The following EHMT1 variants were observed in gnomAD, a reference collection of about 807,000 sequenced individuals.
EHMT1 encodes euchromatic histone lysine methyltransferase 1.
Under a neutral mutation model 147.2 loss-of-function variants are expected in EHMT1, and 15 were observed. The ratio of observed to expected loss-of-function variants is 0.10; its 90% CI spans 0.07 to 0.16. The LOEUF (loss-of-function observed/expected upper bound fraction) is 0.16. EHMT1 is among the 10% of genes least tolerant of loss of function. The pLI is 1.00. For missense variants in EHMT1, 1,587 were observed against 1,772.4 expected (o/e 0.90, Z 1.88); for synonymous variants, 795 against 709.6 (o/e 1.12, Z -1.91).
intron 1 of EHMT1, among the ~76,000 whole-genome samples, chr9:137,704,815 CCTT>C (rs921332131): frequency 1.7e-4 from 24 of 142,268 alleles, no homozygotes; most frequent in African/African-American, 6.3e-4. Flanking sequence ...CTCCCTCCCT[CCTT>C]TTCTTCCTGC....
chr9:137,724,276 A>G, intron 3 of EHMT1, among the ~76,000 whole-genome samples: 1 of 127,768 alleles, frequency 7.8e-6, no homozygotes, highest in South Asian at 2.6e-4. Flanking sequence ...CCACCGCCCC[A>G]CCCCCGCCCT....
At chr9:137,681,421 T>C (rs1024931619) in intron 1 of EHMT1, among the ~76,000 whole-genome samples, 1 of 152,234 alleles carries the variant, frequency 6.6e-6, no homozygotes, top group Admixed American at 6.5e-5. Flanking sequence ...TATATAATTA[T>C]AGATCCTGAG....
At chr9:137,755,786 G>A (rs926881106) in intron 8 of EHMT1, among the ~76,000 whole-genome samples, 1 of 152,188 alleles carries the variant, frequency 6.6e-6, no homozygotes, top group East Asian at 1.9e-4. Context: ...GTGTTTTACT[G>A]TAGTTTCAAT....
intron 6 of EHMT1, chr9:137,745,413 G>A: frequency 2.5e-6 from 1 of 397,736 alleles, no homozygotes; most frequent in Non-Finnish European, 4.4e-6. Context: ...GATATTTAAA[G>A]AGGATTTAAA....
At chr9:137,795,436 C>CAA in intron 16 of EHMT1, among the ~76,000 whole-genome samples, 1 of 136,962 alleles carries the variant, frequency 7.3e-6, no homozygotes, top group Non-Finnish European at 1.6e-5. Context: ...CACTCTCACA[C>CAA]TCACATACAC....
Position 137,697,052 on chromosome 9 carries a change from G to A in EHMT1, c.22-13915G>A, listed in dbSNP as rs573379755. 1.7e-4 allele frequency: 55 copies of A among 317,248 alleles called. 1 individual carries two copies. Among genetic ancestry groups the A allele is most frequent in the African/African-American group, 8.9e-4 (40 of 44,860 alleles). 19.7% of individuals were successfully genotyped at this position (317,248 alleles called of 1,614,324 possible). ...TCCCAGCACTCTGGGAGGCTGAGGC[G>A]GGCGGATCGCTTGAGGTCAGGAGTT... is the stretch of plus-strand genomic sequence containing the variant. On this transcript the variant is annotated intron_variant, in intron 1 of 26. Coordinates refer to ENST00000460843, the MANE Select transcript of EHMT1 (RefSeq NM_024757.5).
Position 137,716,785 on chromosome 9 carries a change from A to T in EHMT1, c.245A>T (p.Gln82Leu). ...CAGGACAGCGCAAGGGTCAACCCCCAGGATGGCACCAACACACTAACTCGG... is the reference window on the plus strand; with the variant it reads ...CAGGACAGCGCAAGGGTCAACCCCCTGGATGGCACCAACACACTAACTCGG... ...HTQDSARVNP[Q>L]DGTNTLTRIA... Residue 82 changes from glutamine to leucine, a missense_variant, in exon 3 of 27, where the codon CAG becomes CTG. This residue lies in a region of EHMT1 where 810 missense variants were observed against 673.0 expected (regional missense o/e 1.20). Coordinates refer to ENST00000460843, the MANE Select transcript of EHMT1 (RefSeq NM_024757.5). 1 of 1,613,074 alleles carries T rather than the reference A, an allele frequency of 6.2e-7. No homozygotes were observed.
In EHMT1 at chr9:137,650,404, A is replaced by C. The variant is rs78105206; in HGVS notation, c.21+31355A>C. On this transcript the variant is annotated intron_variant, in intron 1 of 26. Transcript: ENST00000460843. ...GTGTAATTACAGGTGTACCTTGCCC[A>C]GCTGTTGTTCATTTTTAAAATTATA... Among the ~76,000 whole-genome samples the C allele has an allele frequency of 2.0e-4, 30 of 152,210 alleles. No individual in the cohort carries two copies. The East Asian group carries it at 5.4e-3, about 27-fold the overall frequency.
chr9:137,654,173 G>C (rs1256896185), intron 1 of EHMT1, among the ~76,000 whole-genome samples: 1 of 152,184 alleles, frequency 6.6e-6, no homozygotes, highest in Non-Finnish European at 1.5e-5. Context: ...AGACCAGCTT[G>C]GCCAACATGG....
intron 4 of EHMT1, among the ~76,000 whole-genome samples, chr9:137,733,955 T>G (rs2135888578): frequency 6.6e-6 from 1 of 152,180 alleles, no homozygotes; most frequent in East Asian, 1.9e-4. Flanking sequence ...CTATAAAAAA[T>G]GACAACAACA....
intron 8 of EHMT1, 106 bp downstream of exon 8, chr9:137,754,397 G>A: frequency 1.4e-6 from 2 of 1,468,414 alleles, no homozygotes. Flanking sequence ...AGAAAAGAGG[G>A]CATCACTGTT....
At chr9:137,645,714 G>C (rs1260498881) in intron 1 of EHMT1, among the ~76,000 whole-genome samples, 1 of 151,986 alleles carries the variant, frequency 6.6e-6, no homozygotes, top group Non-Finnish European at 1.5e-5. Context: ...TTTTGTACTT[G>C]CAGCGCTGAG....
In EHMT1 at chr9:137,732,775, T is replaced by C. The variant is rs1043401065; in HGVS notation, c.823+4246T>C. Among the ~76,000 whole-genome samples, 2 of 152,202 alleles carry C rather than the reference T, an allele frequency of 1.3e-5. No individual in the cohort carries two copies. Among genetic ancestry groups the C allele is most frequent in the African/African-American group, 4.8e-5 (2 of 41,436 alleles). ...GGAATTTGTCTGCCATTATCACTTTTATTTCTTCAACTGTCACTCCATTGC... is the reference window on the plus strand; with the variant it reads ...GGAATTTGTCTGCCATTATCACTTTCATTTCTTCAACTGTCACTCCATTGC... On this transcript the variant is annotated intron_variant, in intron 4 of 26. Transcript: ENST00000460843. This position sits in a 1 kb window ranked among gnomAD's most constrained non-coding sequence, Gnocchi z 4.6.
rs146316724 is a variant in EHMT1, at chr9:137,623,745, C to T, written c.21+4696C>T. On this transcript the variant is annotated intron_variant, in intron 1 of 26. Transcript: ENST00000460843. Reference sequence around the variant, plus strand: ...CGCAAATGTCTTTATTCTGCCCGTGCGCTTAGTAAGTTTGGCTGGTAGGTT... The same window carrying T: ...CGCAAATGTCTTTATTCTGCCCGTGTGCTTAGTAAGTTTGGCTGGTAGGTT... Among the ~76,000 whole-genome samples the T allele has an allele frequency of 8.3e-4, 126 of 152,260 alleles. 1 individual carries two copies. The East Asian group carries it at 0.014, about 17-fold the overall frequency.
chr9:137,784,947 A>T (rs928370339), intron 15 of EHMT1: 12 of 148,150 alleles, frequency 8.1e-5, no homozygotes, highest in African/African-American at 3.0e-4. Flanking sequence ...CCATGAGGGA[A>T]GTGGCTGATC....
Position 137,716,607 on chromosome 9 carries a change from C to T in EHMT1, c.86-19C>T. 2 of 1,542,108 alleles carry T rather than the reference C, an allele frequency of 1.3e-6. No homozygotes were observed. The highest frequency in any genetic ancestry group is 1.3e-5 in the South Asian group (1 of 79,234). ...AGAGCGTGGCCTGCAGTCAGTGACA[C>T]TCGTTTCTTTGTTGGCAGAGACACC... On this transcript the variant is annotated intron_variant, in intron 2 of 26. Coordinates refer to ENST00000460843, the MANE Select transcript of EHMT1 (RefSeq NM_024757.5).
rs1422668727 is a variant in EHMT1, at chr9:137,732,509, C to G, written c.823+3980C>G. ...AGCTCCTACTGGCAGGGAGGCAGTC[C>G]TGTTGTGTGGCTGAGTCTGGGGGTT... On this transcript the variant is annotated intron_variant, in intron 4 of 26. Transcript: ENST00000460843. This position sits in a 1 kb window ranked among gnomAD's most constrained non-coding sequence, Gnocchi z 4.6. Among the ~76,000 whole-genome samples the G allele has an allele frequency of 6.6e-6, 1 of 152,140 alleles. No homozygotes were observed. The highest frequency in any genetic ancestry group is 1.5e-5 in the Non-Finnish European group (1 of 68,012).
chr9:137,715,839 A>G (rs1326542207), intron 2 of EHMT1: 2 of 985,052 alleles, frequency 2.0e-6, no homozygotes, highest in East Asian at 2.3e-4. Context: ...TCTATCTCCA[A>G]ATAACACTCC....
At position 137,828,772 on chromosome 9, in the gene EHMT1, G is replaced by C. The variant is rs983028518; in HGVS notation, c.3541-5577G>C. 8.5e-5 allele frequency among the ~76,000 whole-genome samples: 13 copies of C among 152,202 alleles called. No individual in the cohort carries two copies. The highest frequency in any genetic ancestry group is 8.5e-4 in the Admixed American group (13 of 15,282). The stretch of plus-strand genomic sequence containing the variant: ...CACAAAAATGAGAAGACCAGGAATA[G>C]CAAGTCCCCAGCCCTGGGGCCTCAT... On this transcript the variant is annotated intron_variant, in intron 25 of 26. Coordinates refer to ENST00000460843, the MANE Select transcript of EHMT1 (RefSeq NM_024757.5). The surrounding 1 kb of genome is among the most constrained non-coding windows in gnomAD (Gnocchi z 5.3).
Sources: allele counts gnomAD v4.1 joint callset (sites outside exome capture counted in the v4.1 genomes callset), GRCh38; gene constraint gnomAD v4.1.1; regional missense constraint gnomAD v4.1.1; non-coding constraint Gnocchi (gnomAD v3.1); transcripts MANE v1.5; gene names NCBI Gene and HGNC (gene_info 2026-07-23, HGNC 2026-07-21).